Variants in SLIT2 observed in about 807,000 individuals in gnomAD.
SLIT2 encodes slit guidance ligand 2.
In SLIT2, 41 loss-of-function variants were observed where a neutral mutation model predicts 185.7. The observed-to-expected ratio is 0.22, with a 90% CI of 0.17 to 0.29. The LOEUF (loss-of-function observed/expected upper bound fraction) is 0.29, where lower values mean the gene tolerates loss of function less well. SLIT2 is among the 10% of genes least tolerant of loss of function. SLIT2 has a pLI of 1.00. For missense variants in SLIT2, 1,571 were observed against 1,909.0 expected (o/e 0.82, Z 3.30); for synonymous variants, 693 against 680.2 (o/e 1.02, Z -0.29).
At chr4:20,390,339 A>C (rs1725313071) in intron 4 of SLIT2, among the ~76,000 whole-genome samples, 1 of 152,200 alleles carries the variant, frequency 6.6e-6, no homozygotes, top group African/African-American at 2.4e-5. Context: ...TAAGCATCTT[A>C]AAATATAAAT....
chr4:20,411,946 T>C lies in SLIT2; in HGVS notation c.396-55806T>C, dbSNP rs554276574. On this transcript the variant is annotated intron_variant, in intron 4 of 36. Transcript: ENST00000504154. ...GTGGGAAGGCAAGAAGCTACCCTAC[T>C]GCAAATGGAGAGTTGTGAGGAACCA... 2.0e-5 allele frequency among the ~76,000 whole-genome samples: 3 copies of C among 152,306 alleles called. No individual in the cohort carries two copies. The South Asian group carries it at 6.2e-4, about 32-fold the overall frequency.
intron 4 of SLIT2, among the ~76,000 whole-genome samples, chr4:20,353,122 G>A (rs1322023886): frequency 2.0e-5 from 3 of 152,134 alleles, no homozygotes; most frequent in Non-Finnish European, 2.9e-5. Context: ...TTAGCTAGAG[G>A]TGCTGTAGTA....
chr4:20,257,966 G>T, intron 3 of SLIT2, 27 bp downstream of exon 3: 2 of 1,085,918 alleles, frequency 1.8e-6, no homozygotes, highest in South Asian at 2.7e-5. Context: ...CCAAAGTTAT[G>T]ACAACATAAC....
chr4:20,517,399 G>A (rs1188446012), intron 11 of SLIT2, among the ~76,000 whole-genome samples: 1 of 151,934 alleles, frequency 6.6e-6, no homozygotes, highest in Non-Finnish European at 1.5e-5. Context: ...ATCCCAGACT[G>A]GTGCCATCTT....
intron 4 of SLIT2, among the ~76,000 whole-genome samples, chr4:20,368,541 T>C (rs1045498689): frequency 1.5e-4 from 23 of 151,916 alleles, no homozygotes; most frequent in Admixed American, 6.6e-5. Context: ...AATGAGGAGG[T>C]TTCCCAGCAA....
chr4:20,492,077 G>C (rs1298710827), intron 9 of SLIT2, among the ~76,000 whole-genome samples, 178 bp downstream of exon 9: 1 of 152,110 alleles, frequency 6.6e-6, no homozygotes, highest in Non-Finnish European at 1.5e-5. Context: ...ATGTTAAAGT[G>C]GCTGTGATGT....
chr4:20,472,628 CTATA>C (rs1715658211), intron 5 of SLIT2, among the ~76,000 whole-genome samples: 2 of 84,060 alleles, frequency 2.4e-5, no homozygotes, highest in African/African-American at 1.1e-4. Flanking sequence ...ATCGATATAT[CTATA>C]TATATCGATA....
At position 20,533,624 on chromosome 4, in the gene SLIT2, G is replaced by T. The variant is rs1262560032; in HGVS notation, c.1741G>T (p.Ala581Ser). 1 of 1,610,642 alleles carries T rather than the reference G, an allele frequency of 6.2e-7. No individual in the cohort carries two copies. Among genetic ancestry groups the T allele is most frequent in the Non-Finnish European group, 8.5e-7 (1 of 1,176,906 alleles). The part of the protein sequence containing the change: ...TDIEEGAFEG[A>S]SGVNEILLTS... ...TATTGAGGAGGGAGCATTTGAAGGA[G>T]CATCTGGTGTAAATGAAATACTTCT... Residue 581 changes from alanine to serine, a missense_variant, in exon 18 of 37, where the codon GCA (alanine) becomes TCA (serine). By Grantham distance (99) the Ala-to-Ser change is moderately conservative. This residue lies in a region of SLIT2 where 1,202 missense variants were observed against 1,416.4 expected (regional missense o/e 0.85). Coordinates refer to ENST00000504154, the MANE Select transcript of SLIT2 (RefSeq NM_004787.4).
At chr4:20,507,139 A>G (rs915310993) in intron 9 of SLIT2, among the ~76,000 whole-genome samples, 1 of 151,980 alleles carries the variant, frequency 6.6e-6, no homozygotes, top group Non-Finnish European at 1.5e-5. Flanking sequence ...TTGTTTTTGC[A>G]TATAAAAATA....
intron 4 of SLIT2, among the ~76,000 whole-genome samples, chr4:20,282,258 A>G (rs1714847902): frequency 6.6e-6 from 1 of 152,220 alleles, no homozygotes; most frequent in African/African-American, 2.4e-5. Flanking sequence ...AAACAACAAC[A>G]TTACAGTCCA....
At chr4:20,481,489 G>A (rs1242222334) in intron 6 of SLIT2, among the ~76,000 whole-genome samples, 1 of 151,926 alleles carries the variant, frequency 6.6e-6, no homozygotes, top group South Asian at 2.1e-4. Flanking sequence ...TACATTTTTC[G>A]AATTTTTTCA....
intron 3 of SLIT2, 128 bp from the exon 4 acceptor site, chr4:20,268,682 C>A: frequency 1.4e-6 from 1 of 708,662 alleles, no homozygotes; most frequent in Non-Finnish European, 2.5e-6. Flanking sequence ...ATTTGCAATG[C>A]TTGAATTCTC....
At chr4:20,314,126 CAG>C (rs1388616723) in intron 4 of SLIT2, among the ~76,000 whole-genome samples, 2 of 152,088 alleles carry the variant, frequency 1.3e-5, no homozygotes, top group Non-Finnish European at 2.9e-5. Flanking sequence ...CAGGATGACA[CAG>C]AGTAAAGTAC....
At chr4:20,357,105 T>G (rs1040185652) in intron 4 of SLIT2, among the ~76,000 whole-genome samples, 1 of 152,192 alleles carries the variant, frequency 6.6e-6, no homozygotes, top group Admixed American at 6.6e-5. Flanking sequence ...GGCAAATATT[T>G]TAAGTTAACA....
intron 26 of SLIT2, among the ~76,000 whole-genome samples, chr4:20,559,183 G>T (rs1057419488): frequency 6.6e-6 from 1 of 152,022 alleles, no homozygotes; most frequent in African/African-American, 2.4e-5. Context: ...GTCAGATGAT[G>T]TAAAGCCTAA....
chr4:20,383,661 G>A (rs968368412), intron 4 of SLIT2, among the ~76,000 whole-genome samples: 11 of 152,056 alleles, frequency 7.2e-5, no homozygotes, highest in Non-Finnish European at 1.5e-5. Context: ...TTTCAGCAGT[G>A]TCTTATAAAA....
intron 6 of SLIT2, among the ~76,000 whole-genome samples, chr4:20,485,885 G>A (rs1156784978): frequency 6.6e-6 from 1 of 152,142 alleles, no homozygotes; most frequent in South Asian, 2.1e-4. Context: ...TAACTATCCC[G>A]TGTTTATTTC....
intron 12 of SLIT2, among the ~76,000 whole-genome samples, chr4:20,522,969 A>G (rs1720964684): frequency 6.6e-6 from 1 of 152,142 alleles, no homozygotes; most frequent in Non-Finnish European, 1.5e-5. Context: ...AAATGTATAT[A>G]TTTTAGAAAA....
intron 9 of SLIT2, among the ~76,000 whole-genome samples, chr4:20,492,342 A>G (rs1244189361): frequency 3.3e-5 from 5 of 152,242 alleles, no homozygotes; most frequent in Non-Finnish European, 7.3e-5. Context: ...TTGAATTGAT[A>G]GTTCAATGCA....
Sources: gnomAD v4.1 joint callset for allele counts (sites outside exome capture counted in the v4.1 genomes callset) on GRCh38, gnomAD v4.1.1 for gene constraint, gnomAD v4.1.1 regional missense constraint, MANE v1.5 for transcripts, NCBI Gene and HGNC (gene_info 2026-07-23, HGNC 2026-07-21) for gene names.